KHNYN: variants seen among roughly 807,000 people sequenced by gnomAD.
The protein encoded by KHNYN is protein KHNYN.
Under a neutral mutation model 62.7 loss-of-function variants are expected in KHNYN, and 42 were observed. The ratio of observed to expected loss-of-function variants is 0.67; its 90% CI spans 0.52 to 0.87. The LOEUF (loss-of-function observed/expected upper bound fraction) is 0.87. KHNYN is among the 40% of genes least tolerant of loss of function. The probability of loss-of-function intolerance (pLI) is 0.00; values close to 1 mark genes in which losing one functional copy is unlikely to be tolerated. For missense variants in KHNYN, 829 were observed against 874.1 expected (o/e 0.95, Z 0.65); for synonymous variants, 347 against 345.6 (o/e 1.00, Z -0.04).
chr14:24,434,129 T>A, intron 5 of KHNYN: 1 of 984,618 alleles, frequency 1.0e-6, no homozygotes, highest in Non-Finnish European at 1.2e-6. Context: ...ATATGGAATC[T>A]TCTTTCCACA....
chr14:24,428,866 G>A, upstream of KHNYN: 1 of 1,609,532 alleles, frequency 6.2e-7, no homozygotes, highest in South Asian at 1.1e-5. Flanking sequence ...CCTCTCCCAG[G>A]GCTGCTCCCC....
Position 24,440,083 on chromosome 14 carries a change from T to C in KHNYN, c.*2798T>C, listed in dbSNP as rs1325918540. 3.1e-6 allele frequency: 5 copies of C among 1,592,190 alleles called. No individual in the cohort carries two copies. The highest frequency in any genetic ancestry group is 3.4e-5 in the Admixed American group (2 of 59,080). On this transcript the variant is annotated 3_prime_UTR_variant, in exon 8 of 8. Coordinates refer to ENST00000553935, the MANE Select transcript of KHNYN (RefSeq NM_015299.3). ...GCCTCAGGCCCTTGCCACGACCTACTTAGGCTACAATTTCCTTTAAGGCAG... is the reference window on the plus strand; with the variant it reads ...GCCTCAGGCCCTTGCCACGACCTACCTAGGCTACAATTTCCTTTAAGGCAG...
chr14:24,432,290 C>T lies in KHNYN; in HGVS notation c.1029C>T (p.Leu343=), dbSNP rs199571149. The T allele has an allele frequency of 4.3e-6, 7 of 1,613,988 alleles. No homozygotes were observed. Among genetic ancestry groups the T allele is most frequent in the Admixed American group, 1.7e-5 (1 of 60,018 alleles). The stretch of plus-strand genomic sequence containing the variant: ...CAGCTCAGTCCCGAGGAGCCTCCCT[C>T]CTCCAGCGGCTCCACAATGGGAATG... The part of the protein sequence containing the change: ...HRAAQSRGAS[L]LQRLHNGNAS... The change falls in exon 3 of 8, where the codon CTC becomes CTT. Residue 343 remains leucine (L), a synonymous_variant. Coordinates refer to ENST00000553935, the MANE Select transcript of KHNYN (RefSeq NM_015299.3). The surrounding 1 kb of genome is among the most constrained non-coding windows in gnomAD (Gnocchi z 5.6).
At chr14:24,428,064 T>C, upstream of KHNYN, 1 of 1,470,084 alleles carries the variant, frequency 6.8e-7, no homozygotes, top group South Asian at 1.2e-5. Context: ...AGCTTCCTCT[T>C]GGGAAGCTGG....
At chr14:24,434,978 GA>G (rs779766711) in intron 5 of KHNYN, among the ~76,000 whole-genome samples, 150 of 152,310 alleles carry the variant, frequency 9.8e-4, no homozygotes, top group Middle Eastern at 6.8e-3. Flanking sequence ...GGTTTTGTGG[GA>G]AAGGAGAGAT....
At position 24,432,478 on chromosome 14, in the gene KHNYN, G is replaced by A. The variant is rs1327482892; in HGVS notation, c.1217G>A (p.Gly406Glu). 3 of 1,613,616 alleles carry A rather than the reference G, an allele frequency of 1.9e-6. No homozygotes were observed. Among genetic ancestry groups the A allele is most frequent in the African/African-American group, 2.7e-5 (2 of 74,922 alleles). ...RGPQWKRGAR[G>E]GNLVTGTQRF... ...CCTCAATGGAAACGAGGCGCCCGAG[G>A]GGGCAACTTGGTGACTGGCACACAG... Residue 406 changes from glycine (G) to glutamate (E), a missense_variant, in exon 3 of 8, where the codon GGG becomes GAG. Physicochemically the swap from Gly to Glu is moderately conservative, Grantham distance 98 (BLOSUM62 -2). Transcript: ENST00000553935. This position sits in a 1 kb window ranked among gnomAD's most constrained non-coding sequence, Gnocchi z 5.6.
Position 24,436,497 on chromosome 14 carries a change from A to G in KHNYN, c.1787+8A>G, listed in dbSNP as rs767301781. ...TCTGAAGAAGCCAGCCAGGTAATCA[A>G]TCCCCTAGACTACTTACAGGCAGCC... On this transcript the variant is annotated splice_region_variant and intron_variant, in intron 7 of 7. Coordinates refer to ENST00000553935, the MANE Select transcript of KHNYN (RefSeq NM_015299.3). The G allele has an allele frequency of 1.9e-6, 3 of 1,606,326 alleles. No homozygotes were observed. The East Asian group carries it at 6.7e-5, about 36-fold the overall frequency.
At position 24,441,707 on chromosome 14, in the gene KHNYN, G is replaced by A. The variant is rs1397603390; in HGVS notation, c.*4422G>A. 1.9e-6 allele frequency: 3 copies of A among 1,597,180 alleles called. No individual in the cohort carries two copies. The South Asian group carries it at 3.4e-5, about 18-fold the overall frequency. ...GTGACTAAGACCCAGGCCTTGGGGG[G>A]TTGTGGGGCTTTGGTGATGGCTTTA... On this transcript the variant is annotated 3_prime_UTR_variant, in exon 8 of 8. Transcript: ENST00000553935.
At chr14:24,430,235 C>A in intron 1 of KHNYN, 116 bp downstream of exon 1, 1 of 826,454 alleles carries the variant, frequency 1.2e-6, no homozygotes, top group Non-Finnish European at 1.5e-6. Context: ...CCGGCCCGGC[C>A]CCTGGGCCCT....
chr14:24,433,708 C>T (rs966981376), intron 5 of KHNYN, among the ~76,000 whole-genome samples: 2 of 152,222 alleles, frequency 1.3e-5, no homozygotes, highest in Non-Finnish European at 2.9e-5. Context: ...GACATTCCAT[C>T]CTAACTTTGC....
Position 24,440,962 on chromosome 14 carries a change from C to T in KHNYN, c.*3677C>T. On this transcript the variant is annotated 3_prime_UTR_variant, in exon 8 of 8. Transcript: ENST00000553935. Reference sequence around the variant, plus strand: ...AACACAATCATTTGCCCTGGGTGTCCTTGGTCCTGCCTGGCTCTCTGTAGT... The same window carrying T: ...AACACAATCATTTGCCCTGGGTGTCTTTGGTCCTGCCTGGCTCTCTGTAGT... The T allele has an allele frequency of 6.2e-7, 1 of 1,613,164 alleles. No homozygotes were observed. Among genetic ancestry groups the T allele is most frequent in the Non-Finnish European group, 8.5e-7 (1 of 1,179,426 alleles).
At position 24,436,520 on chromosome 14, in the gene KHNYN, G is replaced by T. The variant is rs148035923; in HGVS notation, c.1787+31G>T. 583 of 1,512,894 alleles carry T rather than the reference G, an allele frequency of 3.9e-4. 2 individuals are homozygous for T. The African/African-American group carries it at 6.9e-3, about 18-fold the overall frequency. The allele number at this position is 1,512,894 out of a possible 1,614,324, so 93.7% of individuals were successfully genotyped here. On this transcript the variant is annotated intron_variant, in intron 7 of 7. Transcript: ENST00000553935. ...CAATCCCCTAGACTACTTACAGGCA[G>T]CCCCCACCCCTGGCCCTCTCTCAGC... is the stretch of plus-strand genomic sequence containing the variant.
At chr14:24,430,348 G>A in intron 1 of KHNYN, 1 of 822,558 alleles carries the variant, frequency 1.2e-6, no homozygotes, top group Non-Finnish European at 1.5e-6. Context: ...CCAGAGGACA[G>A]CCTAGTTCAA....
chr14:24,431,719 G>C lies in KHNYN; in HGVS notation c.458G>C (p.Gly153Ala). Reference sequence around the variant, plus strand: ...GACTTCACGCCAGGACCATCTTCCGGAGCCTCTCAGTGTACTGGAGTGCTG... The same window carrying C: ...GACTTCACGCCAGGACCATCTTCCGCAGCCTCTCAGTGTACTGGAGTGCTG... ...SWDFTPGPSS[G>A]ASQCTGVLRD... Residue 153 changes from glycine to alanine, a missense_variant, in exon 3 of 8, where the codon GGA (glycine) becomes GCA (alanine). Gly to Ala is a moderately conservative substitution (Grantham distance 60). This residue lies in a region of KHNYN where 559 missense variants were observed against 527.0 expected (regional missense o/e 1.06). Transcript: ENST00000553935. The C allele has an allele frequency of 6.2e-7, 1 of 1,614,192 alleles. No individual in the cohort carries two copies. The highest frequency in any genetic ancestry group is 8.5e-7 in the Non-Finnish European group (1 of 1,180,032).
At chr14:24,430,978 C>A (rs764609806) in intron 2 of KHNYN, 47 bp downstream of exon 2, 1 of 1,550,388 alleles carries the variant, frequency 6.4e-7, no homozygotes, top group East Asian at 2.3e-5. Context: ...AGGACGCTTT[C>A]CCCCAGGGCG....
intron 5 of KHNYN, among the ~76,000 whole-genome samples, chr14:24,433,593 C>T (rs2043159483): frequency 6.6e-6 from 1 of 152,178 alleles, no homozygotes; most frequent in Non-Finnish European, 1.5e-5. Context: ...GTGAATTAAC[C>T]TCTTTGTCTC....
At chr14:24,435,792 G>T (rs1229806383) in intron 5 of KHNYN, 5 of 473,510 alleles carry the variant, frequency 1.1e-5, no homozygotes, top group African/African-American at 7.8e-5. Context: ...GCCTGTAGCT[G>T]GGTCAAGGTG....
At chr14:24,429,951 AAC>A, upstream of KHNYN, 1 of 995,062 alleles carries the variant, frequency 1.0e-6, no homozygotes, top group East Asian at 1.1e-4. Flanking sequence ...TGACTCAAGA[AAC>A]AGTTTGCGTG....
chr14:24,433,055 CAG>C, intron 5 of KHNYN, 23 bp downstream of exon 5: 1 of 1,597,762 alleles, frequency 6.3e-7, no homozygotes, highest in Non-Finnish European at 8.6e-7. Flanking sequence ...CTCCTGGCCC[CAG>C]GCTTGATATT....
Sources: allele counts gnomAD v4.1 joint callset (sites outside exome capture counted in the v4.1 genomes callset), GRCh38; gene constraint gnomAD v4.1.1; regional missense constraint gnomAD v4.1.1; non-coding constraint Gnocchi (gnomAD v3.1); transcripts MANE v1.5; gene names NCBI Gene and HGNC (gene_info 2026-07-23, HGNC 2026-07-21).